Variants in PRDM15 observed in about 807,000 individuals in gnomAD.
PRDM15 encodes PR domain zinc finger protein 15.
A neutral mutation model predicts 128.6 loss-of-function variants in PRDM15; 64 were observed. That is an observed-to-expected ratio of 0.50 (90% CI 0.41 to 0.61). PRDM15 has a LOEUF of 0.61. Ranked by LOEUF, PRDM15 falls within the 20% of genes least tolerant of loss-of-function variation. PRDM15 has a pLI of 0.00. For synonymous variants in PRDM15, 615 were observed against 621.8 expected (o/e 0.99, Z 0.16); for missense variants, 1,242 against 1,569.1 (o/e 0.79, Z 3.52).
chr21:41,847,072 C>T lies in PRDM15; in HGVS notation c.640+18G>A. On this transcript the variant is annotated intron_variant, in intron 6 of 23. Transcript: ENST00000398548. The stretch of plus-strand genomic sequence containing the variant: ...CACAGGAGTTTTACAACTGGGGCTC[C>T]CCACACGTCCTCCTTACCATTGAGG... 2.0e-6 allele frequency: 3 copies of T among 1,496,722 alleles called. No individual in the cohort carries two copies. Among genetic ancestry groups the T allele is most frequent in the East Asian group, 2.5e-5 (1 of 40,562 alleles). 92.7% of individuals were successfully genotyped at this position (1,496,722 alleles called of 1,614,324 possible).
At chr21:41,823,913 G>C (rs2062375059) in intron 13 of PRDM15, among the ~76,000 whole-genome samples, 1 of 152,212 alleles carries the variant, frequency 6.6e-6, no homozygotes, top group Admixed American at 6.5e-5. Flanking sequence ...GGCATGATGG[G>C]TGTGGAGATG....
Position 41,832,974 on chromosome 21 carries a change from T to C in PRDM15, c.1366+2463A>G, listed in dbSNP as rs73359678. On this transcript the variant is annotated intron_variant, in intron 11 of 23. Coordinates refer to ENST00000398548, the MANE Select transcript of PRDM15 (RefSeq NM_001040424.3). The surrounding 1 kb of genome is among the most constrained non-coding windows in gnomAD (Gnocchi z 4.2). ...CCACAGGGGCACTGGGTCCCAACAA[T>C]GCTTCTCCCTCCAATAACCCTGCGC... Among the ~76,000 whole-genome samples, 3,362 of 152,214 alleles carry C rather than the reference T, an allele frequency of 0.022. 120 individuals are homozygous for C. Among genetic ancestry groups the C allele is most frequent in the African/African-American group, 0.076 (3,161 of 41,508 alleles).
intron 9 of PRDM15, 93 bp from the exon 10 acceptor site, chr21:41,836,300 G>T: frequency 7.5e-7 from 1 of 1,338,994 alleles, no homozygotes; most frequent in Non-Finnish European, 1.1e-6. Flanking sequence ...AAGCCGCCTC[G>T]CTCCCACCAT....
chr21:41,844,885 C>T (rs140109243), intron 6 of PRDM15, among the ~76,000 whole-genome samples: 25 of 52,752 alleles, frequency 4.7e-4, no homozygotes, highest in Admixed American at 1.0e-3. Context: ...AGGACACACA[C>T]AGCCCCTCCC....
intron 18 of PRDM15, among the ~76,000 whole-genome samples, chr21:41,817,964 C>A (rs1032031610): frequency 2.0e-5 from 3 of 152,244 alleles, no homozygotes; most frequent in South Asian, 2.1e-4. Context: ...CTTTACCCCA[C>A]ACCCCTTGCC....
rs551465950 is a variant in PRDM15, at chr21:41,874,554, G to C, written c.-10+4716C>G. Among the ~76,000 whole-genome samples the C allele has an allele frequency of 6.4e-4, 57 of 88,820 alleles. 1 individual carries two copies. Among genetic ancestry groups the C allele is most frequent in the South Asian group, 4.2e-3 (12 of 2,886 alleles). The allele number at this position is 88,820 out of a possible 152,430, so 58.3% of individuals were successfully genotyped here. On this transcript the variant is annotated intron_variant, in intron 1 of 23. Transcript: ENST00000398548. ...TTTTTTTTTTTTGAAACTTACAAAAGGCCAGAGGCCAGAGGGTTACGAGAC... is the reference window on the plus strand; with the variant it reads ...TTTTTTTTTTTTGAAACTTACAAAACGCCAGAGGCCAGAGGGTTACGAGAC...
chr21:41,876,682 A>C (rs1411208429), intron 1 of PRDM15, among the ~76,000 whole-genome samples: 3 of 152,116 alleles, frequency 2.0e-5, no homozygotes, highest in Non-Finnish European at 4.4e-5. Context: ...ACTCTGAGGG[A>C]GAGTTTGAAG....
rs1307697892 is a variant in PRDM15, at chr21:41,811,212, A to G, written c.2393-376T>C. On this transcript the variant is annotated intron_variant, in intron 19 of 23. Coordinates refer to ENST00000398548, the MANE Select transcript of PRDM15 (RefSeq NM_001040424.3). The surrounding 1 kb of genome is among the most constrained non-coding windows in gnomAD (Gnocchi z 4.1). ...AGGCAGCACATGTGATATTACAATGAGAGAGGAAATGGTAACTGAAATCAG... is the reference window on the plus strand; with the variant it reads ...AGGCAGCACATGTGATATTACAATGGGAGAGGAAATGGTAACTGAAATCAG... 3 of 200,116 alleles carry G rather than the reference A, an allele frequency of 1.5e-5. No individual in the cohort carries two copies. Among genetic ancestry groups the G allele is most frequent in the African/African-American group, 4.5e-5 (2 of 44,082 alleles). 12.4% of individuals were successfully genotyped at this position (200,116 alleles called of 1,614,324 possible).
chr21:41,874,160 T>TA (rs202161401), intron 1 of PRDM15, among the ~76,000 whole-genome samples: 48 of 146,372 alleles, frequency 3.3e-4, no homozygotes, highest in East Asian at 1.4e-3. Context: ...TTGCTTAATT[T>TA]AAAAAAAAAA....
intron 1 of PRDM15, among the ~76,000 whole-genome samples, chr21:41,864,801 G>A (rs73906113): frequency 1.3e-5 from 2 of 151,928 alleles, no homozygotes; most frequent in African/African-American, 4.8e-5. Flanking sequence ...AGCTTCACTG[G>A]CTTCCCACTG....
intron 2 of PRDM15, 64 bp downstream of exon 2, chr21:41,860,263 G>T: frequency 7.7e-7 from 1 of 1,303,708 alleles, no homozygotes; most frequent in Non-Finnish European, 1.1e-6. Flanking sequence ...CAAGCGCCAC[G>T]CCCATCTGTG....
intron 14 of PRDM15, among the ~76,000 whole-genome samples, chr21:41,822,437 G>A (rs923186788): frequency 2.6e-5 from 4 of 152,340 alleles, no homozygotes; most frequent in Non-Finnish European, 4.4e-5. Flanking sequence ...CTTCTGCTCC[G>A]TTCCTCTCTT....
At chr21:41,804,809 C>T (rs1464187010) in intron 21 of PRDM15, 195 bp from the exon 22 acceptor site, 2 of 478,686 alleles carry the variant, frequency 4.2e-6, no homozygotes, top group Non-Finnish European at 7.3e-6. Context: ...CTTATCCTCA[C>T]CCCTTATTTC....
At chr21:41,873,345 AC>A (rs2064282950) in intron 1 of PRDM15, among the ~76,000 whole-genome samples, 2 of 151,982 alleles carry the variant, frequency 1.3e-5, no homozygotes, top group Non-Finnish European at 2.9e-5. Context: ...CTACCCTCAC[AC>A]CTCGGTTAGG....
At position 41,802,851 on chromosome 21, in the gene PRDM15, T is replaced by C. The variant is rs1242001869; in HGVS notation, c.2804A>G (p.Lys935Arg). ...CTCCTCTTCTGGCTTCTGCTTTCTC[T>C]TGTGACTTCGCTTGGCAGCTTTCCC... ...KHGKAAKRSH[K>R]RKQKPEEEAG... is the part of the protein sequence containing the mutation. The change falls in exon 23 of 24, where the codon AAG becomes AGG. Residue 935 changes from lysine (K) to arginine (R), a missense_variant. By Grantham distance (26) the Lys-to-Arg change is conservative. Coordinates refer to ENST00000398548, the MANE Select transcript of PRDM15 (RefSeq NM_001040424.3). 1 of 1,614,220 alleles carries C rather than the reference T, an allele frequency of 6.2e-7. No homozygotes were observed. The highest frequency in any genetic ancestry group is 8.5e-7 in the Non-Finnish European group (1 of 1,180,034).
rs2063862846 is a variant in PRDM15 at position 41,862,750 on chromosome 21, C to T, written c.-9-2378G>A. On this transcript the variant is annotated intron_variant, in intron 1 of 23. Transcript: ENST00000398548. The surrounding 1 kb of genome is among the most constrained non-coding windows in gnomAD (Gnocchi z 4.1). ...GCTGTCTTGGCAAAACTCCCTTTAA[C>T]ACTCAGAAAGTGCCTTCATAGAAGG... Among the ~76,000 whole-genome samples the T allele has an allele frequency of 1.3e-5, 2 of 152,132 alleles. No individual in the cohort carries two copies. The highest frequency in any genetic ancestry group is 1.3e-4 in the Admixed American group (2 of 15,276).
intron 19 of PRDM15, chr21:41,814,732 G>A (rs1334114022): frequency 3.4e-5 from 5 of 149,218 alleles, no homozygotes; most frequent in African/African-American, 1.0e-4. Flanking sequence ...TTATGAGAAC[G>A]ACTTGTGTTA....
intron 1 of PRDM15, chr21:41,871,601 C>G (rs2064214377): frequency 6.2e-7 from 1 of 1,610,702 alleles, no homozygotes; most frequent in African/African-American, 1.3e-5. Flanking sequence ...CTCACTGACC[C>G]TCTGGTTCCC....
chr21:41,831,243 A>C (rs953047084), intron 11 of PRDM15, among the ~76,000 whole-genome samples: 92 of 152,184 alleles, frequency 6.0e-4, no homozygotes, highest in African/African-American at 2.1e-3. Flanking sequence ...GCCGCCACAG[A>C]GTGTCTCAGG....
Sources: allele counts gnomAD v4.1 joint callset (sites outside exome capture counted in the v4.1 genomes callset), GRCh38; gene constraint gnomAD v4.1.1; non-coding constraint Gnocchi (gnomAD v3.1); transcripts MANE v1.5; gene names NCBI Gene and HGNC (gene_info 2026-07-23, HGNC 2026-07-21).